FRYL: variants seen among roughly 807,000 people sequenced by gnomAD.
FRYL encodes the protein FRY like transcription coactivator.
A neutral mutation model predicts 351.2 loss-of-function variants in FRYL; 150 were observed. That is an observed-to-expected ratio of 0.43 (90% confidence interval 0.37 to 0.49). The LOEUF is 0.49. Ranked by LOEUF, FRYL falls within the 20% of genes least tolerant of loss-of-function variation. FRYL has a pLI of 0.00. For missense variants in FRYL, 3,036 were observed against 3,619.3 expected (o/e 0.84, Z 4.13); for synonymous variants, 1,153 against 1,257.1 (o/e 0.92, Z 1.75).
chr4:48,519,747 T>C (rs1199550527), intron 55 of FRYL, among the ~76,000 whole-genome samples: 3 of 151,206 alleles, frequency 2.0e-5, no homozygotes. Context: ...TCTTTTTTTT[T>C]TCTTTGGGAC....
intron 27 of FRYL, among the ~76,000 whole-genome samples, chr4:48,568,681 A>G (rs1737426312): frequency 6.6e-6 from 1 of 152,234 alleles, no homozygotes; most frequent in Admixed American, 6.5e-5. Flanking sequence ...AGATCAGTCT[A>G]CAACAATAAA....
At chr4:48,759,845 T>TCAGC (rs1361047110) in intron 1 of FRYL, among the ~76,000 whole-genome samples, 2 of 152,172 alleles carry the variant, frequency 1.3e-5, no homozygotes, top group Non-Finnish European at 2.9e-5. Flanking sequence ...TATTACAAGG[T>TCAGC]CAGCTGATTA....
intron 33 of FRYL, among the ~76,000 whole-genome samples, chr4:48,559,106 C>T (rs1734802285): frequency 6.6e-6 from 1 of 152,152 alleles, no homozygotes. Flanking sequence ...AGTAACAAAA[C>T]TAGTTGCCTC....
At chr4:48,643,420 C>T (rs1188765598) in intron 3 of FRYL, among the ~76,000 whole-genome samples, 1 of 152,184 alleles carries the variant, frequency 6.6e-6, no homozygotes, top group Non-Finnish European at 1.5e-5. Flanking sequence ...AAGACGGTAG[C>T]AGTCTGACCT....
intron 1 of FRYL, among the ~76,000 whole-genome samples, chr4:48,723,366 T>C (rs1481934805): frequency 2.0e-5 from 3 of 151,992 alleles, no homozygotes; most frequent in Non-Finnish European, 4.4e-5. Flanking sequence ...TGGTCTCGAA[T>C]GCCTGGCCTC....
At chr4:48,627,253 AC>A (rs1348549549) in intron 4 of FRYL, among the ~76,000 whole-genome samples, 1 of 152,056 alleles carries the variant, frequency 6.6e-6, no homozygotes, top group Non-Finnish European at 1.5e-5. Context: ...GGTGGGGAAT[AC>A]AGTAAGAGGT....
chr4:48,557,208 T>C (rs1734312647), intron 34 of FRYL, 90 bp from the exon 35 acceptor site: 1 of 1,454,558 alleles, frequency 6.9e-7, no homozygotes, highest in African/African-American at 1.4e-5. Flanking sequence ...AAAAAATGTT[T>C]TGTACAGATA....
At position 48,510,873 on chromosome 4, in the gene FRYL, A is replaced by C; in HGVS notation, c.8257T>G (p.Cys2753Gly). The change falls in exon 58 of 64, where the codon TGT becomes GGT. Residue 2753 changes from cysteine to glycine, a missense_variant. Cys to Gly is a radical substitution (Grantham distance 159). Transcript: ENST00000358350. The part of the protein sequence containing the change: ...FKSSLEVMML[C>G]SECPTVFVDA... ...ACAAAGACTGTTGGGCATTCTGAAC[A>C]CAGCATCATCACTTCCAAGGAACTT... 1 of 1,613,448 alleles carries C rather than the reference A, an allele frequency of 6.2e-7. No homozygotes were observed. The highest frequency in any genetic ancestry group is 8.5e-7 in the Non-Finnish European group (1 of 1,179,578).
intron 1 of FRYL, among the ~76,000 whole-genome samples, chr4:48,743,027 C>A (rs1386687346): frequency 7.8e-6 from 1 of 128,492 alleles, no homozygotes; most frequent in Non-Finnish European, 1.6e-5. Flanking sequence ...TCACGTCGAT[C>A]AGGCTGGTCT....
intron 2 of FRYL, among the ~76,000 whole-genome samples, chr4:48,694,216 G>A (rs1765925765): frequency 6.6e-6 from 1 of 151,874 alleles, no homozygotes; most frequent in African/African-American, 2.4e-5. Context: ...GGGAGGTGGA[G>A]GAGAAGACAC....
intron 2 of FRYL, among the ~76,000 whole-genome samples, chr4:48,699,166 T>C (rs1465646534): frequency 6.6e-6 from 1 of 152,226 alleles, no homozygotes; most frequent in Non-Finnish European, 1.5e-5. Flanking sequence ...GGAGTTGAGA[T>C]AAAATTCTCA....
At chr4:48,695,494 A>G (rs1183415876) in intron 2 of FRYL, among the ~76,000 whole-genome samples, 1 of 152,028 alleles carries the variant, frequency 6.6e-6, no homozygotes, top group Non-Finnish European at 1.5e-5. Context: ...GTAAATATAT[A>G]TATATATATT....
Position 48,733,227 on chromosome 4 carries a change from A to T in FRYL, c.-383-22529T>A, listed in dbSNP as rs539409693. 8.7e-4 allele frequency among the ~76,000 whole-genome samples: 132 copies of T among 152,052 alleles called. 2 individuals are homozygous for T. In the South Asian group the frequency reaches 0.026, roughly 30 times the overall value. On this transcript the variant is annotated intron_variant, in intron 1 of 63. Transcript: ENST00000358350. The stretch of plus-strand genomic sequence containing the variant: ...GAGGTGGAGACTGCAGTGAGCCAAG[A>T]TCATGCCACTGCACTCTAGCCTGTG...
At chr4:48,714,956 G>A (rs1426407584) in intron 1 of FRYL, among the ~76,000 whole-genome samples, 2 of 151,544 alleles carry the variant, frequency 1.3e-5, no homozygotes, top group East Asian at 3.9e-4. Context: ...TGGGATGCAA[G>A]GCTGGTTCAA....
At chr4:48,765,879 G>A (rs542122644) in intron 1 of FRYL, among the ~76,000 whole-genome samples, 2 of 152,086 alleles carry the variant, frequency 1.3e-5, no homozygotes, top group African/African-American at 4.8e-5. Context: ...CAGACCAATA[G>A]GTATATAAAA....
intron 1 of FRYL, among the ~76,000 whole-genome samples, chr4:48,736,829 G>A (rs1328295076): frequency 1.3e-4 from 15 of 112,712 alleles, no homozygotes; most frequent in South Asian, 9.1e-4. Context: ...CGGCCTGGGC[G>A]ACAGACTGAG....
chr4:48,681,016 G>T (rs769510305), intron 3 of FRYL: 1 of 1,284,754 alleles, frequency 7.8e-7, no homozygotes, highest in South Asian at 1.2e-5. Context: ...AGATGAAAGT[G>T]AGCTAAGACG....
intron 53 of FRYL, among the ~76,000 whole-genome samples, chr4:48,526,062 GATGA>G (rs970567112): frequency 1.5e-4 from 23 of 151,690 alleles, no homozygotes; most frequent in African/African-American, 5.3e-4. Flanking sequence ...CATGAGAGTT[GATGA>G]ATGTGTATGA....
chr4:48,583,768 G>T (rs565457247), intron 19 of FRYL, among the ~76,000 whole-genome samples: 78 of 152,112 alleles, frequency 5.1e-4, no homozygotes, highest in African/African-American at 1.7e-3. Flanking sequence ...AACCAGGCGT[G>T]GTGGTGCACG....
Sources: gnomAD v4.1 joint callset for allele counts (sites outside exome capture counted in the v4.1 genomes callset) on GRCh38, gnomAD v4.1.1 for gene constraint, MANE v1.5 for transcripts, NCBI Gene and HGNC (gene_info 2026-07-23, HGNC 2026-07-21) for gene names.